The following CDH13 variants were observed in gnomAD, a reference collection of about 807,000 sequenced individuals.
CDH13 encodes cadherin-13.
Under a neutral mutation model 63.8 loss-of-function variants are expected in CDH13, and 24 were observed. The observed-to-expected ratio is 0.38, with a 90% CI of 0.27 to 0.53. The LOEUF (loss-of-function observed/expected upper bound fraction) is 0.53. Among genes scored for constraint, CDH13 ranks in the 20% least tolerant of loss-of-function variants. CDH13 has a pLI of 0.85. For missense variants in CDH13, 1,049 were observed against 903.1 expected (o/e 1.16, Z -2.07); for synonymous variants, 503 against 355.3 (o/e 1.42, Z -4.67).
At chr16:83,516,853 T>C (rs1394302717) in intron 7 of CDH13, among the ~76,000 whole-genome samples, 1 of 152,194 alleles carries the variant, frequency 6.6e-6, no homozygotes, top group East Asian at 1.9e-4. Context: ...ATTCCCACCT[T>C]GTTGGGGAAA....
intron 1 of CDH13, among the ~76,000 whole-genome samples, chr16:82,808,476 A>C (rs1048438975): frequency 2.6e-5 from 4 of 152,208 alleles, no homozygotes; most frequent in African/African-American, 9.6e-5. Flanking sequence ...TCAGAGATGA[A>C]ATAAGAAGGA....
intron 8 of CDH13, among the ~76,000 whole-genome samples, chr16:83,620,746 A>C (rs1056945736): frequency 6.6e-6 from 1 of 152,186 alleles, no homozygotes; most frequent in Non-Finnish European, 1.5e-5. Context: ...CCCTGAGGTC[A>C]CTGGGAGCTA....
chr16:83,155,047 T>A (rs1567884133), intron 4 of CDH13, among the ~76,000 whole-genome samples: 1 of 152,234 alleles, frequency 6.6e-6, no homozygotes, highest in Non-Finnish European at 1.5e-5. Context: ...GTTCAGACAT[T>A]GAGTTATATT....
chr16:83,592,462 G>A (rs1028099266), intron 7 of CDH13, among the ~76,000 whole-genome samples: 2 of 152,202 alleles, frequency 1.3e-5, no homozygotes, highest in South Asian at 2.1e-4. Flanking sequence ...CACACTGAAT[G>A]TCAAGTATTT....
chr16:82,982,521 C>G (rs1488932097), intron 2 of CDH13, among the ~76,000 whole-genome samples: 2 of 152,202 alleles, frequency 1.3e-5, no homozygotes, highest in Admixed American at 6.5e-5. Flanking sequence ...GACTATTCCT[C>G]CATGTTCAAA....
intron 1 of CDH13, among the ~76,000 whole-genome samples, chr16:82,723,548 C>T (rs1219072458): frequency 6.6e-6 from 1 of 152,110 alleles, no homozygotes; most frequent in East Asian, 1.9e-4. Context: ...CCTCTGTCTG[C>T]CACCTGGAAG....
At chr16:83,028,944 G>T (rs1916064227) in intron 2 of CDH13, among the ~76,000 whole-genome samples, 1 of 152,190 alleles carries the variant, frequency 6.6e-6, no homozygotes, top group African/African-American at 2.4e-5. Context: ...AAATGGTCCA[G>T]GGTTCAAATC....
At chr16:83,600,716 C>T (rs1036123320) in intron 7 of CDH13, among the ~76,000 whole-genome samples, 6 of 152,100 alleles carry the variant, frequency 3.9e-5, no homozygotes, top group African/African-American at 1.4e-4. Flanking sequence ...TAGTTCAACT[C>T]GGACTCTCTG....
chr16:83,017,658 T>G (rs7185868), intron 2 of CDH13, among the ~76,000 whole-genome samples: 16,745 of 152,208 alleles, frequency 0.11, 1,091 homozygotes, highest in African/African-American at 0.19. Context: ...TGGTAGGTAT[T>G]ATATATGATA....
intron 3 of CDH13, among the ~76,000 whole-genome samples, chr16:83,041,777 GA>G (rs1209782818): frequency 6.6e-6 from 1 of 152,166 alleles, no homozygotes; most frequent in Non-Finnish European, 1.5e-5. Flanking sequence ...TAACTTCTCT[GA>G]GGTTCAGTTT....
At chr16:83,411,318 C>T (rs1033729414) in intron 6 of CDH13, among the ~76,000 whole-genome samples, 1 of 152,132 alleles carries the variant, frequency 6.6e-6, no homozygotes, top group African/African-American at 2.4e-5. Flanking sequence ...TACTGTGTTC[C>T]ATTAAACCTC....
chr16:82,716,527 G>C (rs1433737384), intron 1 of CDH13, among the ~76,000 whole-genome samples: 1 of 150,706 alleles, frequency 6.6e-6, no homozygotes, highest in Non-Finnish European at 1.5e-5. Context: ...TGGGGATTAT[G>C]AGTGGAGGAA....
intron 4 of CDH13, among the ~76,000 whole-genome samples, chr16:83,172,934 A>T (rs1260454082): frequency 6.6e-6 from 1 of 152,136 alleles, no homozygotes; most frequent in Non-Finnish European, 1.5e-5. Flanking sequence ...GATTTATTTG[A>T]TGCTGAACCA....
intron 3 of CDH13, among the ~76,000 whole-genome samples, chr16:83,079,191 T>A (rs1487447093): frequency 3.3e-5 from 5 of 152,208 alleles, no homozygotes; most frequent in African/African-American, 1.2e-4. Flanking sequence ...ACAGGAGAAT[T>A]GGTCAAACAG....
chr16:82,892,373 G>C (rs1360806085), intron 2 of CDH13, among the ~76,000 whole-genome samples: 2 of 152,176 alleles, frequency 1.3e-5, no homozygotes, highest in African/African-American at 4.8e-5. Context: ...ATTGGTTCGG[G>C]ATGACATTTG....
At chr16:83,341,529 G>T (rs2090722137) in intron 5 of CDH13, among the ~76,000 whole-genome samples, 1 of 152,140 alleles carries the variant, frequency 6.6e-6, no homozygotes, top group Admixed American at 6.6e-5. Flanking sequence ...TTTAAAACTG[G>T]ATGAACCTCT....
At chr16:83,312,240 C>G (rs2090017116) in intron 5 of CDH13, among the ~76,000 whole-genome samples, 1 of 152,122 alleles carries the variant, frequency 6.6e-6, no homozygotes, top group African/African-American at 2.4e-5. Context: ...TGTGTCCATA[C>G]AGATGCGGAC....
intron 10 of CDH13, among the ~76,000 whole-genome samples, chr16:83,694,703 A>C (rs898957485): frequency 6.6e-6 from 1 of 152,186 alleles, no homozygotes; most frequent in African/African-American, 2.4e-5. Flanking sequence ...CAAGAATGCT[A>C]CAGAACAGGG....
At position 83,171,013 on chromosome 16, in the gene CDH13, G is replaced by T. The variant is rs74515971; in HGVS notation, c.483+45512G>T. On this transcript the variant is annotated intron_variant, in intron 4 of 13. Coordinates refer to ENST00000567109, the MANE Select transcript of CDH13 (RefSeq NM_001257.5). ...GCCCGCCTCCTTTTTTTTGAGGGAA[G>T]CTGTATTAGGCCATTCTCACATGGC... Among the ~76,000 whole-genome samples the T allele has an allele frequency of 8.9e-4, 135 of 152,020 alleles. No homozygotes were observed. In the Middle Eastern group the frequency reaches 0.02, roughly 23 times the overall value.
Sources: allele counts gnomAD v4.1 joint callset (sites outside exome capture counted in the v4.1 genomes callset), GRCh38; gene constraint gnomAD v4.1.1; transcripts MANE v1.5; gene names NCBI Gene and HGNC (gene_info 2026-07-23, HGNC 2026-07-21).